GHR: variants seen among roughly 807,000 people sequenced by gnomAD.
GHR encodes GH receptor.
In GHR, 35 loss-of-function variants were observed where a neutral mutation model predicts 67.1. The observed-to-expected ratio is 0.52, with a 90% confidence interval of 0.40 to 0.69. GHR has a LOEUF of 0.69. Ranked by LOEUF, GHR falls within the 30% of genes least tolerant of loss-of-function variation. The pLI is 0.00. For synonymous variants in GHR, 272 were observed against 269.1 expected, an observed-to-expected ratio of 1.01 and a Z score of -0.10; for missense variants, 792 against 764.6, an observed-to-expected ratio of 1.04 and a Z score of -0.42.
At chr5:42,566,889 T>TC (rs1749972266) in intron 2 of GHR, among the ~76,000 whole-genome samples, 1 of 152,030 alleles carries the variant, frequency 6.6e-6, no homozygotes, top group Non-Finnish European at 1.5e-5. Flanking sequence ...CAAAAATAAA[T>TC]CCGTAGTAGT....
intron 1 of GHR, among the ~76,000 whole-genome samples, chr5:42,503,562 C>G (rs994094470): frequency 2.6e-5 from 4 of 152,136 alleles, no homozygotes; most frequent in Admixed American, 6.5e-5. Flanking sequence ...TTATCAAGAG[C>G]CTGCTATGAG....
intron 1 of GHR, among the ~76,000 whole-genome samples, chr5:42,495,043 G>T (rs1480871129): frequency 6.8e-6 from 1 of 147,908 alleles, no homozygotes; most frequent in Non-Finnish European, 1.5e-5. Context: ...TATTTCACAG[G>T]TATAGAACTA....
chr5:42,717,495 C>G (rs1013383242), intron 8 of GHR, among the ~76,000 whole-genome samples: 13 of 152,116 alleles, frequency 8.5e-5, no homozygotes, highest in African/African-American at 2.9e-4. Flanking sequence ...TAATCTGTCC[C>G]ATCTGAAATG....
intron 1 of GHR, among the ~76,000 whole-genome samples, chr5:42,542,240 A>G (rs2112382596): frequency 6.6e-6 from 1 of 152,304 alleles, no homozygotes; most frequent in South Asian, 2.1e-4. Flanking sequence ...AAGATACAAA[A>G]TTAAGACAGT....
At chr5:42,479,101 T>C (rs1745486038) in intron 1 of GHR, among the ~76,000 whole-genome samples, 2 of 152,222 alleles carry the variant, frequency 1.3e-5, no homozygotes, top group Non-Finnish European at 2.9e-5. Flanking sequence ...TGAAGCATTG[T>C]TGAATTTTTA....
chr5:42,572,701 T>C (rs1750397757), intron 2 of GHR, among the ~76,000 whole-genome samples: 1 of 152,216 alleles, frequency 6.6e-6, no homozygotes, highest in Non-Finnish European at 1.5e-5. Flanking sequence ...TTTCTGTTTA[T>C]ATAACAATTT....
chr5:42,563,059 G>A (rs142519627), intron 1 of GHR, among the ~76,000 whole-genome samples: 1 of 152,342 alleles, frequency 6.6e-6, no homozygotes, highest in Non-Finnish European at 1.5e-5. Context: ...CCACTTGTTT[G>A]TGGCATCTGC....
At chr5:42,475,062 G>A (rs1745241976) in intron 1 of GHR, among the ~76,000 whole-genome samples, 1 of 151,436 alleles carries the variant, frequency 6.6e-6, no homozygotes, top group Admixed American at 6.6e-5. Context: ...TTTTGTATTT[G>A]TAGTAGTGAC....
intron 1 of GHR, among the ~76,000 whole-genome samples, chr5:42,558,552 A>T (rs896787241): frequency 3.3e-5 from 5 of 152,234 alleles, no homozygotes; most frequent in Non-Finnish European, 7.3e-5. Context: ...TTATAAAATC[A>T]TGTTTTTATG....
At chr5:42,535,495 A>T (rs1037621793) in intron 1 of GHR, among the ~76,000 whole-genome samples, 1 of 152,060 alleles carries the variant, frequency 6.6e-6, no homozygotes, top group East Asian at 1.9e-4. Flanking sequence ...TGGGTTCAAT[A>T]TTCTGTTCCA....
At chr5:42,432,590 C>A (rs1042026223) in intron 1 of GHR, among the ~76,000 whole-genome samples, 3 of 152,184 alleles carry the variant, frequency 2.0e-5, no homozygotes, top group African/African-American at 7.2e-5. Context: ...CTAATGAAGA[C>A]TAATCTGACA....
intron 1 of GHR, among the ~76,000 whole-genome samples, chr5:42,474,311 A>AAG (rs1295569035): frequency 2.8e-4 from 39 of 138,976 alleles, no homozygotes; most frequent in African/African-American, 1.0e-3. Context: ...GAAAGAAAGA[A>AAG]AGAAAGAAAG....
At chr5:42,693,682 C>A (rs965207302) in intron 4 of GHR, among the ~76,000 whole-genome samples, 6 of 152,156 alleles carry the variant, frequency 3.9e-5, no homozygotes, top group Non-Finnish European at 5.9e-5. Context: ...GCCTTCCCTA[C>A]AACCTGCATT....
chr5:42,558,506 G>A (rs1053597011), intron 1 of GHR, among the ~76,000 whole-genome samples: 9 of 152,124 alleles, frequency 5.9e-5, no homozygotes, highest in African/African-American at 1.7e-4. Flanking sequence ...CATGCACCAC[G>A]TAATGACTTT....
intron 1 of GHR, among the ~76,000 whole-genome samples, chr5:42,429,680 G>A (rs1743006280): frequency 6.6e-6 from 1 of 152,106 alleles, no homozygotes; most frequent in South Asian, 2.1e-4. Flanking sequence ...TACTGTGTGG[G>A]TAAATAAAAT....
intron 1 of GHR, among the ~76,000 whole-genome samples, chr5:42,499,789 G>A (rs921710356): frequency 6.6e-6 from 1 of 152,048 alleles, no homozygotes; most frequent in South Asian, 2.1e-4. Flanking sequence ...TTTTTGAGAA[G>A]GAGAAAGGAG....
chr5:42,567,767 CTGTGTGTGTGTGTGTG>C (rs68150223), intron 2 of GHR, among the ~76,000 whole-genome samples: 225 of 140,816 alleles, frequency 1.6e-3, no homozygotes, highest in South Asian at 8.7e-3. Context: ...ATGCTTGGCT[CTGTGTGTGTGTGTGTG>C]TGTGTGTGTG....
intron 1 of GHR, among the ~76,000 whole-genome samples, chr5:42,508,612 C>T (rs1304549136): frequency 3.3e-5 from 5 of 152,182 alleles, no homozygotes; most frequent in Non-Finnish European, 7.3e-5. Context: ...CTTGCTCTGT[C>T]GCCCAGGCTG....
At chr5:42,467,917 T>C (rs975949128) in intron 1 of GHR, 1 of 739,928 alleles carries the variant, frequency 1.4e-6, no homozygotes, top group African/African-American at 1.8e-5. Context: ...AGCTTTCAGG[T>C]AAGTGACAGT....
Sources: gnomAD v4.1 joint callset for allele counts (sites outside exome capture counted in the v4.1 genomes callset) on GRCh38, gnomAD v4.1.1 for gene constraint, MANE v1.5 for transcripts, NCBI Gene and HGNC (gene_info 2026-07-23, HGNC 2026-07-21) for gene names.